TIPARP: variants seen among roughly 807,000 people sequenced by gnomAD.
The protein encoded by TIPARP is TCDD inducible poly(ADP-ribose) polymerase.
A neutral mutation model predicts 56.5 loss-of-function variants in TIPARP; 12 were observed. The ratio of observed to expected loss-of-function variants is 0.21; its 90% CI spans 0.14 to 0.34. The LOEUF (loss-of-function observed/expected upper bound fraction) is 0.34, where lower values mean the gene tolerates loss of function less well. Ranked by LOEUF, TIPARP falls within the 10% of genes least tolerant of loss-of-function variation. TIPARP has a pLI of 1.00. For missense variants in TIPARP, 604 were observed against 781.6 expected (o/e 0.77, Z 2.71); for synonymous variants, 296 against 265.7 (o/e 1.11, Z -1.11).
intron 2 of TIPARP, among the ~76,000 whole-genome samples, chr3:156,693,004 C>T (rs1722615450): frequency 6.6e-6 from 1 of 152,132 alleles, no homozygotes; most frequent in Non-Finnish European, 1.5e-5. Flanking sequence ...ACCTAGACTT[C>T]ACATGTACCA....
intron 2 of TIPARP, among the ~76,000 whole-genome samples, chr3:156,691,542 A>G (rs765194085): frequency 3.9e-5 from 6 of 152,154 alleles, no homozygotes; most frequent in Non-Finnish European, 5.9e-5. Flanking sequence ...TATCATACAT[A>G]GATGACTCAT....
At chr3:156,678,950 A>G (rs746429410) in intron 2 of TIPARP, among the ~76,000 whole-genome samples, 2 of 152,230 alleles carry the variant, frequency 1.3e-5, no homozygotes, top group Non-Finnish European at 2.9e-5. Flanking sequence ...GAATCTTACT[A>G]TAACATAAAT....
Position 156,677,843 on chromosome 3 carries a change from G to T in TIPARP, c.146G>T (p.Gly49Val). Residue 49 changes from glycine (G) to valine (V), a missense_variant, in exon 2 of 6, where the codon GGA (glycine) becomes GTA (valine). Around this residue, in one of 4 missense-constraint regions of TIPARP, gnomAD observed 261 missense variants for 279.2 expected, o/e 0.93. Coordinates refer to ENST00000295924, the MANE Select transcript of TIPARP (RefSeq NM_015508.5). ...AAGAAAAAGGATCAGAAAAGATTGG[G>T]AACTGGAACCCTGAGGTCTTTGAGG... ...CFKKKDQKRL[G>V]TGTLRSLRPI... is the part of the protein sequence containing the mutation. The T allele has an allele frequency of 6.2e-7, 1 of 1,614,140 alleles. No homozygotes were observed. The highest frequency in any genetic ancestry group is 8.5e-7 in the Non-Finnish European group (1 of 1,180,038).
chr3:156,693,473 C>T (rs1722629913), intron 2 of TIPARP, among the ~76,000 whole-genome samples: 1 of 152,008 alleles, frequency 6.6e-6, no homozygotes, highest in African/African-American at 2.4e-5. Flanking sequence ...TTTTTCAACC[C>T]ACAGGATAAA....
chr3:156,685,509 A>G (rs956041497), intron 2 of TIPARP, among the ~76,000 whole-genome samples: 1 of 152,218 alleles, frequency 6.6e-6, no homozygotes, highest in Admixed American at 6.5e-5. Flanking sequence ...TCTGAGGAAG[A>G]GTTCAGTAAA....
chr3:156,675,160 G>A (rs911029898), intron 1 of TIPARP: 2 of 101,210 alleles, frequency 2.0e-5, no homozygotes, highest in East Asian at 3.1e-4. Context: ...GAGGCGCCTA[G>A]GAGCCCTTCC....
intron 3 of TIPARP, among the ~76,000 whole-genome samples, chr3:156,695,357 G>A (rs1029018784): frequency 6.6e-5 from 10 of 152,130 alleles, no homozygotes; most frequent in Admixed American, 5.2e-4. Context: ...GGGACTACAG[G>A]TGCATGCCAC....
chr3:156,684,368 A>G (rs1577035776), intron 2 of TIPARP, among the ~76,000 whole-genome samples: 2 of 152,230 alleles, frequency 1.3e-5, no homozygotes, highest in Admixed American at 1.3e-4. Context: ...GCAACACCTT[A>G]AACAGAAACT....
At chr3:156,687,556 A>G (rs756886505) in intron 2 of TIPARP, among the ~76,000 whole-genome samples, 48 of 152,230 alleles carry the variant, frequency 3.2e-4, no homozygotes, top group South Asian at 1.2e-3. Flanking sequence ...ATTGTATGGT[A>G]TTATTTATTA....
chr3:156,679,524 C>G (rs762843867), intron 2 of TIPARP, among the ~76,000 whole-genome samples: 1 of 152,114 alleles, frequency 6.6e-6, no homozygotes, highest in Non-Finnish European at 1.5e-5. Context: ...ATAGAAGGAG[C>G]TAAAGTGTGT....
At chr3:156,701,015 C>T (rs1258176502) in intron 4 of TIPARP, among the ~76,000 whole-genome samples, 2 of 152,186 alleles carry the variant, frequency 1.3e-5, no homozygotes, top group Admixed American at 6.5e-5. Flanking sequence ...GCGCTTGAAA[C>T]ATATTTTTTT....
chr3:156,695,200 A>AGTTTT, intron 3 of TIPARP, among the ~76,000 whole-genome samples: 2 of 45,790 alleles, frequency 4.4e-5, no homozygotes, highest in Non-Finnish European at 8.7e-5. Flanking sequence ...CACCTTTTCA[A>AGTTTT]ATTTTATTTA....
At chr3:156,702,345 C>T (rs1029910259) in intron 4 of TIPARP, among the ~76,000 whole-genome samples, 1 of 152,126 alleles carries the variant, frequency 6.6e-6, no homozygotes, top group African/African-American at 2.4e-5. Context: ...ATAACCAAGT[C>T]ATCTTACAGG....
intron 2 of TIPARP, among the ~76,000 whole-genome samples, chr3:156,680,209 A>AAT (rs1289792464): frequency 6.6e-6 from 1 of 152,194 alleles, no homozygotes; most frequent in Non-Finnish European, 1.5e-5. Flanking sequence ...TCCTGACTAT[A>AAT]AATGTATTAT....
intron 2 of TIPARP, among the ~76,000 whole-genome samples, chr3:156,684,693 A>G (rs553062274): frequency 6.6e-6 from 1 of 152,310 alleles, no homozygotes; most frequent in African/African-American, 2.4e-5. Context: ...CGGCCTCACA[A>G]AGTGCTAGGA....
rs370596394 is a variant in TIPARP, at chr3:156,703,637, G to T, written c.1461G>T (p.Glu487Asp). ...IYNLFHKTVP[E>D]FKYRILQILR... ...ATCTTTTTCATAAGACTGTGCCTGA[G>T]TTTAAATACAGAATTTTGCAGATAT... Residue 487 changes from glutamate to aspartate, a missense_variant, in exon 5 of 6, where the codon GAG becomes GAT. Physicochemically the swap from Glu to Asp is conservative, Grantham distance 45. Coordinates refer to ENST00000295924, the MANE Select transcript of TIPARP (RefSeq NM_015508.5). 6.9e-5 allele frequency: 112 copies of T among 1,614,020 alleles called. No individual in the cohort carries two copies. The highest frequency in any genetic ancestry group is 9.2e-5 in the Non-Finnish European group (108 of 1,180,044).
intron 2 of TIPARP, among the ~76,000 whole-genome samples, chr3:156,691,832 G>A (rs1474867905): frequency 2.0e-5 from 3 of 152,130 alleles, no homozygotes; most frequent in Admixed American, 2.0e-4. Flanking sequence ...ACAGTACTTT[G>A]ATACATCAAT....
chr3:156,695,202 T>TTTTATTTAGTTA (rs1722680936), intron 3 of TIPARP, among the ~76,000 whole-genome samples: 1 of 146,990 alleles, frequency 6.8e-6, no homozygotes. Context: ...CCTTTTCAAA[T>TTTTATTTAGTTA]TTTATTTATT....
At chr3:156,698,208 A>AAG (rs1213152350) in intron 4 of TIPARP, among the ~76,000 whole-genome samples, 5 of 152,224 alleles carry the variant, frequency 3.3e-5, no homozygotes, top group African/African-American at 1.2e-4. Context: ...CATGAGGTTT[A>AAG]AGAGCCCATC....
Sources: gnomAD v4.1 joint callset for allele counts (sites outside exome capture counted in the v4.1 genomes callset) on GRCh38, gnomAD v4.1.1 for gene constraint, gnomAD v4.1.1 regional missense constraint, MANE v1.5 for transcripts, NCBI Gene and HGNC (gene_info 2026-07-23, HGNC 2026-07-21) for gene names.